Variants in GALNT18 observed in about 807,000 individuals in gnomAD.
GALNT18 encodes the protein GalNAc-transferase 18.
In GALNT18, 44 loss-of-function variants were observed where a neutral mutation model predicts 69.5. That is an observed-to-expected ratio of 0.63 (90% CI 0.50 to 0.81). GALNT18 has a LOEUF of 0.81. Ranked by LOEUF, GALNT18 falls within the 40% of genes least tolerant of loss-of-function variation. GALNT18 has a pLI of 0.00. For synonymous variants in GALNT18, 364 were observed against 318.2 expected (o/e 1.14, Z -1.53); for missense variants, 715 against 810.0 (o/e 0.88, Z 1.42).
At chr11:11,321,007 G>C (rs1221081848) in intron 9 of GALNT18, among the ~76,000 whole-genome samples, 2 of 152,184 alleles carry the variant, frequency 1.3e-5, no homozygotes, top group Non-Finnish European at 2.9e-5. Context: ...TGTGGCTTTG[G>C]GGGATGAGGA....
At chr11:11,280,437 T>TA (rs1333267156) in intron 10 of GALNT18, among the ~76,000 whole-genome samples, 2 of 151,746 alleles carry the variant, frequency 1.3e-5, no homozygotes, top group African/African-American at 4.8e-5. Context: ...CCCTCCCAAA[T>TA]ATGCAGTCTT....
chr11:11,281,841 A>C (rs1189317371), intron 10 of GALNT18, among the ~76,000 whole-genome samples: 1 of 151,924 alleles, frequency 6.6e-6, no homozygotes, highest in Non-Finnish European at 1.5e-5. Flanking sequence ...GATGGGACAC[A>C]ACCTCCGTGA....
chr11:11,451,462 C>A (rs1855797293), intron 1 of GALNT18, among the ~76,000 whole-genome samples: 1 of 152,118 alleles, frequency 6.6e-6, no homozygotes, highest in South Asian at 2.1e-4. Context: ...CTGGTGACAC[C>A]ACATGGTCCT....
rs564260571 is a variant in GALNT18 at position 11,446,971 on chromosome 11, C to T, written c.428+1773G>A. Among the ~76,000 whole-genome samples, 3 of 152,274 alleles carry T rather than the reference C, an allele frequency of 2.0e-5. No homozygotes were observed. The East Asian group carries it at 5.8e-4, about 29-fold the overall frequency. ...CTTATCTAATTGGTCTGGGGTGTGG[C>T]CTTGGCATCAGGATTGTTTTTTAAG... On this transcript the variant is annotated intron_variant, in intron 2 of 10. Coordinates refer to ENST00000227756, the MANE Select transcript of GALNT18 (RefSeq NM_198516.3).
At chr11:11,612,066 T>C (rs1328081191) in intron 1 of GALNT18, among the ~76,000 whole-genome samples, 1 of 152,200 alleles carries the variant, frequency 6.6e-6, no homozygotes, top group Admixed American at 6.5e-5. Flanking sequence ...CTTCCTATTC[T>C]GTAGAGAGCA....
rs751448125 is a variant in GALNT18 at position 11,271,223 on chromosome 11, A to G, written c.1745T>C (p.Phe582Ser). 1.9e-6 allele frequency: 3 copies of G among 1,614,130 alleles called. No individual in the cohort carries two copies. The South Asian group carries it at 3.3e-5, about 18-fold the overall frequency. ...LELQENSDLE[F>S]GFQLVLQKCS... The stretch of plus-strand genomic sequence containing the variant: ...CTTCTGCAACACCAGCTGGAAGCCG[A>G]ACTCCAGGTCGCTATTCTCCTGCAG... The change falls in exon 11 of 11, where the codon TTC becomes TCC. Residue 582 changes from phenylalanine to serine, a missense_variant. Phe to Ser is a radical substitution (Grantham distance 155). Coordinates refer to ENST00000227756, the MANE Select transcript of GALNT18 (RefSeq NM_198516.3).
intron 8 of GALNT18, 81 bp from the exon 9 acceptor site, chr11:11,327,262 T>C (rs1197171990): frequency 1.9e-6 from 2 of 1,042,308 alleles, no homozygotes; most frequent in Non-Finnish European, 3.0e-6. Context: ...GAAACAAGTA[T>C]TCTGCTGAGA....
intron 1 of GALNT18, among the ~76,000 whole-genome samples, chr11:11,554,246 T>A (rs2133973477): frequency 6.6e-6 from 1 of 152,308 alleles, no homozygotes; most frequent in South Asian, 2.1e-4. Flanking sequence ...CTTCCTTACA[T>A]CTCAGTGGGC....
chr11:11,557,061 C>T (rs923891705), intron 1 of GALNT18, among the ~76,000 whole-genome samples: 2 of 152,092 alleles, frequency 1.3e-5, no homozygotes, highest in Non-Finnish European at 2.9e-5. Context: ...TCTCAGGACA[C>T]GGGACACTGG....
intron 1 of GALNT18, among the ~76,000 whole-genome samples, chr11:11,456,871 C>T (rs1179211692): frequency 6.6e-6 from 1 of 152,170 alleles, no homozygotes; most frequent in Non-Finnish European, 1.5e-5. Context: ...GCCCACAGTG[C>T]CTGACACACA....
At chr11:11,499,783 C>T (rs948717094) in intron 1 of GALNT18, among the ~76,000 whole-genome samples, 1 of 152,214 alleles carries the variant, frequency 6.6e-6, no homozygotes, top group African/African-American at 2.4e-5. Context: ...TCTGCTGACC[C>T]AATTTAGTAC....
rs1243293791 is a variant in GALNT18 at position 11,606,800 on chromosome 11, T to C, written c.235+14559A>G. 6.6e-6 allele frequency among the ~76,000 whole-genome samples: 1 copy of C among 152,190 alleles called. No homozygotes were observed. The highest frequency in any genetic ancestry group is 1.5e-5 in the Non-Finnish European group (1 of 68,034). On this transcript the variant is annotated intron_variant, in intron 1 of 10. Coordinates refer to ENST00000227756, the MANE Select transcript of GALNT18 (RefSeq NM_198516.3). This position sits in a 1 kb window ranked among gnomAD's most constrained non-coding sequence, Gnocchi z 5.4. ...AGAGGAAAATTGTCTAGACTTCAAA[T>C]CAGGATCCCTAGACCCTATCCAGGG...
intron 1 of GALNT18, among the ~76,000 whole-genome samples, chr11:11,481,880 C>G (rs1269970167): frequency 1.3e-5 from 2 of 152,216 alleles, no homozygotes; most frequent in Admixed American, 1.3e-4. Flanking sequence ...AGCTCAGTGT[C>G]AGGCCCCATA....
intron 1 of GALNT18, among the ~76,000 whole-genome samples, chr11:11,568,506 AG>A (rs1285274119): frequency 6.6e-6 from 1 of 152,152 alleles, no homozygotes; most frequent in Non-Finnish European, 1.5e-5. Context: ...ACTCTGGTTA[AG>A]GGGGGAAAAA....
At chr11:11,597,293 C>T (rs1859523033) in intron 1 of GALNT18, among the ~76,000 whole-genome samples, 1 of 152,170 alleles carries the variant, frequency 6.6e-6, no homozygotes, top group Non-Finnish European at 1.5e-5. Context: ...ATCAGGGTTA[C>T]ACTGGCTTCA....
chr11:11,601,652 G>A lies in GALNT18; in HGVS notation c.235+19707C>T, dbSNP rs991129917. ...TTCTTTTGGCAGGGATTTTCTTTGA[G>A]GCCAGTTTTTGAGGCTTTCTTTGAC... On this transcript the variant is annotated intron_variant, in intron 1 of 10. Transcript: ENST00000227756. The surrounding 1 kb of genome is among the most constrained non-coding windows in gnomAD (Gnocchi z 4.0). Among the ~76,000 whole-genome samples, 2 of 152,058 alleles carry A rather than the reference G, an allele frequency of 1.3e-5. No individual in the cohort carries two copies. The highest frequency in any genetic ancestry group is 2.9e-5 in the Non-Finnish European group (2 of 68,016).
intron 10 of GALNT18, among the ~76,000 whole-genome samples, chr11:11,279,458 C>T (rs1003817208): frequency 1.2e-4 from 18 of 152,072 alleles, no homozygotes; most frequent in South Asian, 8.3e-4. Flanking sequence ...CAAAAACATG[C>T]GCATGAATGC....
intron 9 of GALNT18, among the ~76,000 whole-genome samples, chr11:11,297,506 C>G (rs896517178): frequency 6.6e-6 from 1 of 152,294 alleles, no homozygotes; most frequent in South Asian, 2.1e-4. Context: ...CCCTTGCCCA[C>G]CTCCCTGGGG....
At chr11:11,291,929 T>C (rs1043486611) in intron 10 of GALNT18, among the ~76,000 whole-genome samples, 1 of 152,168 alleles carries the variant, frequency 6.6e-6, no homozygotes, top group Admixed American at 6.5e-5. Context: ...TAGCTGGGAC[T>C]CTCCTTACCA....
Sources: allele counts gnomAD v4.1 joint callset (sites outside exome capture counted in the v4.1 genomes callset), GRCh38; gene constraint gnomAD v4.1.1; non-coding constraint Gnocchi (gnomAD v3.1); transcripts MANE v1.5; gene names NCBI Gene and HGNC (gene_info 2026-07-23, HGNC 2026-07-21).